The following CACNA2D1 variants were observed in gnomAD, a reference collection of about 807,000 sequenced individuals.
The protein encoded by CACNA2D1 is calcium voltage-gated channel auxiliary subunit alpha2delta 1, also known as voltage-dependent calcium channel subunit alpha-2/delta-1.
CACNA2D1 carries 53 observed loss-of-function variants against 171.5 expected under a neutral mutation model. The ratio of observed to expected loss-of-function variants is 0.31; its 90% CI spans 0.25 to 0.39. The LOEUF is 0.39. Ranked by LOEUF, CACNA2D1 falls within the 10% of genes least tolerant of loss-of-function variation. The pLI, the probability that CACNA2D1 is intolerant of heterozygous loss-of-function variation, is 1.00. For missense variants in CACNA2D1, 903 were observed against 1,299.8 expected, an observed-to-expected ratio of 0.69 and a Z score of 4.69; for synonymous variants, 442 against 443.1, an observed-to-expected ratio of 1.00 and a Z score of 0.03.
At chr7:82,304,493 T>C (rs1436461927) in intron 3 of CACNA2D1, among the ~76,000 whole-genome samples, 1 of 152,086 alleles carries the variant, frequency 6.6e-6, no homozygotes, top group Middle Eastern at 3.2e-3. Context: ...TGTGGTAGCA[T>C]ATAGACTTAA....
intron 24 of CACNA2D1, among the ~76,000 whole-genome samples, chr7:81,978,055 T>G (rs1290869232): frequency 1.3e-5 from 2 of 152,144 alleles, no homozygotes; most frequent in Non-Finnish European, 2.9e-5. Context: ...TCATGCCAGT[T>G]AGAATGGCGA....
intron 1 of CACNA2D1, among the ~76,000 whole-genome samples, chr7:82,399,084 T>C (rs907661102): frequency 6.6e-6 from 1 of 152,158 alleles, no homozygotes; most frequent in Non-Finnish European, 1.5e-5. Flanking sequence ...GGTTTGTGAT[T>C]AGTATGAGAT....
chr7:82,162,255 G>A (rs1795019327), intron 4 of CACNA2D1, among the ~76,000 whole-genome samples: 2 of 151,930 alleles, frequency 1.3e-5, no homozygotes, highest in Admixed American at 1.3e-4. Context: ...GTATAAAACA[G>A]CAAAGAAATG....
chr7:82,072,500 G>C (rs972759888), intron 7 of CACNA2D1, among the ~76,000 whole-genome samples: 1 of 151,646 alleles, frequency 6.6e-6, no homozygotes, highest in Non-Finnish European at 1.5e-5. Flanking sequence ...ATGGTCCCAA[G>C]TAATCAGTTA....
At chr7:82,126,684 G>T (rs1463920619) in intron 5 of CACNA2D1, among the ~76,000 whole-genome samples, 1 of 152,064 alleles carries the variant, frequency 6.6e-6, no homozygotes, top group Non-Finnish European at 1.5e-5. Context: ...CCAACCATCA[G>T]GCCTCCAAGG....
intron 21 of CACNA2D1, among the ~76,000 whole-genome samples, chr7:81,988,588 A>C (rs1474197167): frequency 6.6e-6 from 1 of 152,180 alleles, no homozygotes; most frequent in Non-Finnish European, 1.5e-5. Context: ...AGTTCACCAC[A>C]GCCTACATAT....
rs1816060428 is a variant in CACNA2D1, at chr7:82,322,211, A to G, written c.294+12924T>C. On this transcript the variant is annotated intron_variant, in intron 3 of 38. Coordinates refer to ENST00000356860, the MANE Select transcript of CACNA2D1 (RefSeq NM_000722.4). ...TTGTGGAAGCTTAATCACTAAAAAT[A>G]TTTGAGAAAAGAACTGCCAACTCCC... Among the ~76,000 whole-genome samples the G allele has an allele frequency of 2.0e-5, 3 of 150,628 alleles. No individual in the cohort carries two copies. In the South Asian group the frequency reaches 6.3e-4, roughly 31 times the overall value.
rs1421727429 is a variant in CACNA2D1, at chr7:81,948,293, GAAGT to G, written c.*2095_*2098del. 3.3e-5 allele frequency: 5 copies of G among 151,848 alleles called. No homozygotes were observed. Among genetic ancestry groups the G allele is most frequent in the Non-Finnish European group, 7.4e-5 (5 of 67,776 alleles). The allele number at this position is 151,848 out of a possible 1,614,324, so 9.4% of individuals were successfully genotyped here. A position where few individuals can be genotyped will look rare whatever the true frequency, so the allele number is the denominator to read the frequency against. On this transcript the variant is annotated 3_prime_UTR_variant, in exon 39 of 39. Transcript: ENST00000356860. ...GATTAAAACATTGTTACTAGAGTGAGAAGTTTTTTTCCCCACATATATTTTAAAT... is the reference window on the plus strand; with the variant it reads ...GATTAAAACATTGTTACTAGAGTGAGTTTTTTCCCCACATATATTTTAAAT...
chr7:82,165,942 T>G (rs999355942), intron 4 of CACNA2D1, among the ~76,000 whole-genome samples: 1 of 152,134 alleles, frequency 6.6e-6, no homozygotes, highest in Non-Finnish European at 1.5e-5. Flanking sequence ...TCACTTTTTA[T>G]CCCTAAAAGT....
At chr7:82,141,383 A>T (rs537576648) in intron 4 of CACNA2D1, among the ~76,000 whole-genome samples, 1 of 152,066 alleles carries the variant, frequency 6.6e-6, no homozygotes, top group Admixed American at 6.5e-5. Flanking sequence ...TTAAAAAAAA[A>T]AATGAAGTTA....
intron 3 of CACNA2D1, among the ~76,000 whole-genome samples, chr7:82,196,691 A>C (rs890589197): frequency 2.6e-5 from 4 of 151,968 alleles, no homozygotes; most frequent in African/African-American, 7.2e-5. Flanking sequence ...ATAACAAGAG[A>C]AGATTGTTAG....
At chr7:82,092,887 C>T (rs996517550) in intron 6 of CACNA2D1, among the ~76,000 whole-genome samples, 8 of 151,288 alleles carry the variant, frequency 5.3e-5, no homozygotes, top group Admixed American at 2.0e-4. Flanking sequence ...AAAATGTGTG[C>T]GTTTAAAAAA....
chr7:81,961,709 A>G (rs989754581), intron 36 of CACNA2D1, among the ~76,000 whole-genome samples, 185 bp downstream of exon 36: 11 of 152,008 alleles, frequency 7.2e-5, no homozygotes, highest in African/African-American at 2.7e-4. Flanking sequence ...AAATTTTAAA[A>G]GTCTACAGAG....
intron 4 of CACNA2D1, among the ~76,000 whole-genome samples, chr7:82,163,406 T>C (rs1221384790): frequency 1.3e-5 from 2 of 152,050 alleles, no homozygotes; most frequent in Non-Finnish European, 2.9e-5. Flanking sequence ...ATCAGGAATG[T>C]CTTTTCATGC....
chr7:82,070,984 T>C (rs987123228), intron 7 of CACNA2D1, among the ~76,000 whole-genome samples: 1 of 152,194 alleles, frequency 6.6e-6, no homozygotes, highest in Non-Finnish European at 1.5e-5. Flanking sequence ...TTAAGAATTA[T>C]TTCTAGACTA....
chr7:81,955,542 T>TA, intron 38 of CACNA2D1, among the ~76,000 whole-genome samples: 1 of 152,084 alleles, frequency 6.6e-6, no homozygotes, highest in Admixed American at 6.5e-5. Context: ...TTTGTTAATG[T>TA]AAAATATACA....
chr7:82,307,445 C>T (rs893513295), intron 3 of CACNA2D1, among the ~76,000 whole-genome samples: 2 of 151,014 alleles, frequency 1.3e-5, no homozygotes, highest in African/African-American at 4.9e-5. Context: ...GAGCGAGCCA[C>T]CATGCCTGAC....
intron 4 of CACNA2D1, among the ~76,000 whole-genome samples, chr7:82,141,173 CA>C (rs1283716189): frequency 1.3e-5 from 2 of 151,924 alleles, no homozygotes; most frequent in African/African-American, 4.8e-5. Flanking sequence ...TTAACTAAAT[CA>C]GTCTTTCACT....
chr7:82,265,744 T>G (rs1162457472), intron 3 of CACNA2D1, among the ~76,000 whole-genome samples: 1 of 152,148 alleles, frequency 6.6e-6, no homozygotes, highest in Admixed American at 6.6e-5. Context: ...TGCCATTATT[T>G]GCAGCCCATT....
Sources: allele counts gnomAD v4.1 joint callset (sites outside exome capture counted in the v4.1 genomes callset), GRCh38; gene constraint gnomAD v4.1.1; transcripts MANE v1.5; gene names NCBI Gene and HGNC (gene_info 2026-07-23, HGNC 2026-07-21).